DLG5: variants seen among roughly 807,000 people sequenced by gnomAD.
DLG5 encodes the protein discs large MAGUK scaffold protein 5.
A neutral mutation model predicts 189.8 loss-of-function variants in DLG5; 48 were observed. The ratio of observed to expected loss-of-function variants is 0.25; its 90% CI spans 0.20 to 0.32. The LOEUF (loss-of-function observed/expected upper bound fraction) is 0.32, where lower values mean the gene tolerates loss of function less well. Among genes scored for constraint, DLG5 ranks in the 10% least tolerant of loss-of-function variants. DLG5 has a pLI of 1.00. For synonymous variants in DLG5, 1,016 were observed against 1,054.1 expected, an observed-to-expected ratio of 0.96 and a Z score of 0.70; for missense variants, 2,160 against 2,544.7, an observed-to-expected ratio of 0.85 and a Z score of 3.25.
rs762749540 is a variant in DLG5 at position 77,800,893 on chromosome 10, TG to T, written c.5165-4300del. ...GAACACCCCAGGCTGGGACCACTGG[TG>T]GGCCACCCCCTAGGGTCAGGTGAAC... On this transcript the variant is annotated intron_variant, in intron 27 of 31. Coordinates refer to ENST00000372391, the MANE Select transcript of DLG5 (RefSeq NM_004747.4). Among the ~76,000 whole-genome samples the T allele has an allele frequency of 1.4e-4, 21 of 151,846 alleles. 3 individuals are homozygous for T. Among genetic ancestry groups the T allele is most frequent in the East Asian group, 7.8e-4 (4 of 5,130 alleles).
chr10:77,925,964 G>C (rs539604308), intron 1 of DLG5, among the ~76,000 whole-genome samples: 2 of 152,314 alleles, frequency 1.3e-5, no homozygotes, highest in South Asian at 2.1e-4. Context: ...GTGGCCCCCG[G>C]GGACCCTGTC....
At chr10:77,882,182 G>A (rs1213055934) in intron 1 of DLG5, among the ~76,000 whole-genome samples, 2 of 152,208 alleles carry the variant, frequency 1.3e-5, no homozygotes, top group Non-Finnish European at 2.9e-5. Flanking sequence ...TAGGGCGGGA[G>A]GCACAAAGTG....
intron 5 of DLG5, among the ~76,000 whole-genome samples, chr10:77,847,574 A>C (rs1019956377): frequency 2.6e-5 from 4 of 152,134 alleles, no homozygotes; most frequent in Admixed American, 2.0e-4. Flanking sequence ...AATCCAAAAA[A>C]CTAAATCTAT....
the DLG5 span, among the ~76,000 whole-genome samples, chr10:77,932,691 G>T: frequency 6.6e-6 from 1 of 152,164 alleles, no homozygotes; most frequent in African/African-American, 2.4e-5. Flanking sequence ...AATTCTCCCT[G>T]GTGCCACAGG....
At chr10:77,920,085 G>T (rs1564598024) in intron 1 of DLG5, among the ~76,000 whole-genome samples, 1 of 152,166 alleles carries the variant, frequency 6.6e-6, no homozygotes, top group Non-Finnish European at 1.5e-5. Context: ...TCTGACACCT[G>T]CTTGGCATAG....
At chr10:77,816,975 C>G (rs1206348655) in intron 19 of DLG5, 32 bp downstream of exon 19, 3 of 1,605,658 alleles carry the variant, frequency 1.9e-6, no homozygotes, top group Non-Finnish European at 2.6e-6. Context: ...GCAGGAAAAG[C>G]AGGAGAGATG....
At chr10:77,888,373 C>T (rs769550218) in intron 1 of DLG5, among the ~76,000 whole-genome samples, 1 of 152,182 alleles carries the variant, frequency 6.6e-6, no homozygotes, top group Non-Finnish European at 1.5e-5. Context: ...CAGTCTGTGT[C>T]AGCACCTCTT....
At chr10:77,856,981 C>T (rs1168380883) in intron 2 of DLG5, 89 bp from the exon 3 acceptor site, 1 of 1,300,278 alleles carries the variant, frequency 7.7e-7, no homozygotes, top group African/African-American at 1.5e-5. Flanking sequence ...CTTGTGTTAG[C>T]TATTCGTGAC....
At chr10:77,842,820 T>C (rs12263027) in intron 6 of DLG5, among the ~76,000 whole-genome samples, 4,919 of 152,306 alleles carry the variant, frequency 0.032, 272 homozygotes, top group African/African-American at 0.11. Flanking sequence ...GGAGAGTCTG[T>C]CTACTGCACA....
At chr10:77,859,859 A>G (rs902543033) in intron 2 of DLG5, among the ~76,000 whole-genome samples, 20 of 152,152 alleles carry the variant, frequency 1.3e-4, no homozygotes, top group African/African-American at 3.6e-4. Context: ...CCTCTCCCCA[A>G]AGGGGTCTCC....
At chr10:77,881,039 C>A (rs1375333288) in intron 1 of DLG5, among the ~76,000 whole-genome samples, 1 of 128,472 alleles carries the variant, frequency 7.8e-6, no homozygotes, top group African/African-American at 2.9e-5. Flanking sequence ...GTGGTGTGAT[C>A]TCAGCTCACT....
intron 20 of DLG5, chr10:77,816,019 CT>C (rs1842031793): frequency 2.3e-6 from 1 of 432,386 alleles, no homozygotes. Context: ...AAAAGCTAGG[CT>C]GCACATTTAT....
At chr10:77,916,904 A>AATACATAT (rs1554833318) in intron 1 of DLG5, among the ~76,000 whole-genome samples, 2 of 129,126 alleles carry the variant, frequency 1.5e-5, no homozygotes, top group African/African-American at 6.2e-5. Flanking sequence ...TAAAATATAG[A>AATACATAT]ATATATATAT....
intron 20 of DLG5, among the ~76,000 whole-genome samples, chr10:77,814,001 C>A (rs961125650): frequency 1.3e-5 from 2 of 151,728 alleles, no homozygotes; most frequent in African/African-American, 4.8e-5. Flanking sequence ...TTTTTGGAGG[C>A]AGATTCTTGC....
In DLG5 at chr10:77,926,171, G is replaced by A. The variant is rs1253233026; in HGVS notation, c.304+46C>T. On this transcript the variant is annotated intron_variant, in intron 1 of 31. Coordinates refer to ENST00000372391, the MANE Select transcript of DLG5 (RefSeq NM_004747.4). This position sits in a 1 kb window ranked among gnomAD's most constrained non-coding sequence, Gnocchi z 5.2. ...TACCCTCGGCCAGCAGGAGGGAGAA[G>A]CGGAGGGCGCGTCCCAGAGGCGGGG... 1 of 1,328,324 alleles carries A rather than the reference G, an allele frequency of 7.5e-7. No individual in the cohort carries two copies. The highest frequency in any genetic ancestry group is 9.7e-7 in the Non-Finnish European group (1 of 1,030,648). 82.3% of individuals were successfully genotyped at this position (1,328,324 alleles called of 1,614,324 possible).
In DLG5 at chr10:77,843,692, G is replaced by A. The variant is rs767909516; in HGVS notation, c.879C>T (p.Asn293=). 10 of 1,613,904 alleles carry A rather than the reference G, an allele frequency of 6.2e-6. No individual in the cohort carries two copies. The highest frequency in any genetic ancestry group is 2.7e-5 in the African/African-American group (2 of 74,864). ...GTTTGTTGAGAATCTCGGATGACCC[G>A]TTGTGCTTCAACACCTGGAGACCAG... ...RAQQQQVLKH[N]GSSEILNKLY... The change falls in exon 6 of 32, where the codon AAC becomes AAT. Residue 293 remains asparagine, a synonymous_variant. Coordinates refer to ENST00000372391, the MANE Select transcript of DLG5 (RefSeq NM_004747.4).
chr10:77,886,277 T>C (rs1282322343), intron 1 of DLG5, among the ~76,000 whole-genome samples: 1 of 152,070 alleles, frequency 6.6e-6, no homozygotes, highest in East Asian at 1.9e-4. Flanking sequence ...ACCCTGGGCT[T>C]CCTGCCCTCT....
At chr10:77,819,827 C>T in intron 16 of DLG5, 68 bp downstream of exon 16, 1 of 1,501,926 alleles carries the variant, frequency 6.7e-7, no homozygotes, top group African/African-American at 1.4e-5. Context: ...TGCCTCCCCT[C>T]TCCCTGGAGA....
At chr10:77,929,010 C>T (rs1291797215), upstream of DLG5, 1 of 151,594 alleles carries the variant, frequency 6.6e-6, no homozygotes, top group Non-Finnish European at 1.5e-5. Flanking sequence ...GCTGGGTGAC[C>T]GAGCAAGACT....
Sources: allele counts gnomAD v4.1 joint callset (sites outside exome capture counted in the v4.1 genomes callset), GRCh38; gene constraint gnomAD v4.1.1; non-coding constraint Gnocchi (gnomAD v3.1); transcripts MANE v1.5; gene names NCBI Gene and HGNC (gene_info 2026-07-23, HGNC 2026-07-21).